Variants in LPIN2 observed in about 807,000 individuals in gnomAD.
LPIN2 encodes phosphatidate phosphatase LPIN2.
LPIN2 carries 55 observed loss-of-function variants against 111.4 expected under a neutral mutation model. The ratio of observed to expected loss-of-function variants is 0.49; its 90% confidence interval spans 0.40 to 0.62. LPIN2 has a LOEUF of 0.62. Among genes scored for constraint, LPIN2 ranks in the 20% least tolerant of loss-of-function variants. The pLI, the probability that LPIN2 is intolerant of heterozygous loss-of-function variation, is 0.00. For missense variants in LPIN2, 992 were observed against 1,112.1 expected (o/e 0.89, Z 1.54); for synonymous variants, 425 against 414.0 (o/e 1.03, Z -0.32).
rs370548322 is a variant in LPIN2 at position 2,940,732 on chromosome 18, G to C, written c.591-20C>G. On this transcript the variant is annotated intron_variant, in intron 4 of 19. Transcript: ENST00000677752. ...GATCCTCTGTGAAGGAGAAACCAAA[G>C]AAAGGCAGGAACGATGACATTCTTG... The C allele has an allele frequency of 6.9e-5, 97 of 1,408,144 alleles. No individual in the cohort carries two copies. The highest frequency in any genetic ancestry group is 9.5e-5 in the Non-Finnish European group (94 of 993,898). The allele number at this position is 1,408,144 out of a possible 1,614,324, so 87.2% of individuals were successfully genotyped here. A position where few individuals can be genotyped will look rare whatever the true frequency, so the allele number is the denominator to read the frequency against.
chr18:2,922,507 C>G (rs1303506609), intron 16 of LPIN2, among the ~76,000 whole-genome samples: 1 of 152,086 alleles, frequency 6.6e-6, no homozygotes, highest in Non-Finnish European at 1.5e-5. Flanking sequence ...AAGCTCCTAA[C>G]CTCAGGCAAC....
intron 1 of LPIN2, among the ~76,000 whole-genome samples, chr18:2,977,600 C>T (rs1219917436): frequency 6.6e-6 from 1 of 152,010 alleles, no homozygotes; most frequent in Non-Finnish European, 1.5e-5. Flanking sequence ...CTGGGAAATG[C>T]TCAAAATCAA....
chr18:3,009,819 G>A (rs78037916), intron 1 of LPIN2, among the ~76,000 whole-genome samples: 8,130 of 152,226 alleles, frequency 0.053, 696 homozygotes, highest in African/African-American at 0.18. Context: ...AAAGGCTTTA[G>A]CAGAAAAAGA....
Position 2,937,890 on chromosome 18 carries a change from T to C in LPIN2, c.970A>G (p.Ile324Val), listed in dbSNP as rs1476358117. 3 of 1,614,038 alleles carry C rather than the reference T, an allele frequency of 1.9e-6. No homozygotes were observed. The highest frequency in any genetic ancestry group is 1.1e-5 in the South Asian group (1 of 91,082). The change falls in exon 7 of 20, where the codon ATA becomes GTA. Residue 324 changes from isoleucine to valine, a missense_variant. Transcript: ENST00000677752. ...DASMEDTVCT[I>V]VKPKPRALGT... Reference sequence around the variant, plus strand: ...AGGGCTCTGGGTTTGGGCTTCACTATGGTACAGACAGTGTCTTCCATGGAA... The same window carrying C: ...AGGGCTCTGGGTTTGGGCTTCACTACGGTACAGACAGTGTCTTCCATGGAA...
chr18:2,951,066 G>A lies in LPIN2; in HGVS notation c.579C>T (p.Ala193=). The A allele has an allele frequency of 6.2e-7, 1 of 1,614,038 alleles. No homozygotes were observed. Among genetic ancestry groups the A allele is most frequent in the Non-Finnish European group, 8.5e-7 (1 of 1,180,018 alleles). Residue 193 remains alanine (A), a synonymous_variant, in exon 4 of 20, where the codon GCC becomes GCT. Coordinates refer to ENST00000677752, the MANE Select transcript of LPIN2 (RefSeq NM_001375808.2). ...VGVSSDDDKG[A]QAARGSSNAS... is the part of the protein sequence containing the mutation. The stretch of plus-strand genomic sequence containing the variant: ...GCTGAGAGTCCTACCGTGCTGCCTG[G>A]GCCCCCTTGTCATCATCGGAGCTCA...
At chr18:2,967,900 TAGC>T (rs764183115) in intron 1 of LPIN2, among the ~76,000 whole-genome samples, 53 of 152,264 alleles carry the variant, frequency 3.5e-4, no homozygotes, top group Non-Finnish European at 6.8e-4. Context: ...AAATAGAAAA[TAGC>T]AGCCGCACAA....
chr18:2,990,605 G>A (rs898049240), intron 1 of LPIN2: 2 of 173,268 alleles, frequency 1.2e-5, no homozygotes, highest in African/African-American at 2.4e-5. Flanking sequence ...TACCCACTAC[G>A]ATGGCTATAG....
intron 1 of LPIN2, among the ~76,000 whole-genome samples, chr18:2,978,829 G>A (rs760123857): frequency 3.9e-5 from 6 of 152,150 alleles, no homozygotes; most frequent in Non-Finnish European, 5.9e-5. Flanking sequence ...TCTCACCCCC[G>A]GTGCACGTTG....
rs1309391671 is a variant in LPIN2 at position 2,918,767 on chromosome 18, A to G, written c.*1526T>C. On this transcript the variant is annotated 3_prime_UTR_variant, in exon 20 of 20. Transcript: ENST00000677752. ...GGACTTTCAACTCTCCAATCTGGAAAAATAACCACCCCTATTTCTCTATCT... is the reference window on the plus strand; with the variant it reads ...GGACTTTCAACTCTCCAATCTGGAAGAATAACCACCCCTATTTCTCTATCT... 6.6e-6 allele frequency: 1 copy of G among 152,188 alleles called. No homozygotes were observed. The highest frequency in any genetic ancestry group is 1.9e-4 in the East Asian group (1 of 5,206). The allele number at this position is 152,188 out of a possible 1,614,324, so 9.4% of individuals were successfully genotyped here. A position where few individuals can be genotyped will look rare whatever the true frequency, so the allele number is the denominator to read the frequency against.
chr18:3,007,539 G>A (rs56164561), intron 1 of LPIN2, among the ~76,000 whole-genome samples: 2,586 of 152,282 alleles, frequency 0.017, 78 homozygotes, highest in African/African-American at 0.058. Context: ...GTGGACAGAC[G>A]TCTCTCAGTG....
intron 9 of LPIN2, among the ~76,000 whole-genome samples, chr18:2,930,094 C>A (rs112801001): frequency 6.6e-6 from 1 of 152,170 alleles, no homozygotes; most frequent in Non-Finnish European, 1.5e-5. Context: ...CTGTATTCTC[C>A]TAGATCTAGG....
At chr18:3,009,856 A>G (rs771821011) in intron 1 of LPIN2, among the ~76,000 whole-genome samples, 1 of 152,268 alleles carries the variant, frequency 6.6e-6, no homozygotes, top group Non-Finnish European at 1.5e-5. Context: ...GAATCAAATT[A>G]GTAAAAATGT....
At chr18:2,971,606 T>C (rs2077913093) in intron 1 of LPIN2, among the ~76,000 whole-genome samples, 1 of 152,002 alleles carries the variant, frequency 6.6e-6, no homozygotes, top group South Asian at 2.1e-4. Flanking sequence ...AATGGACCAA[T>C]GAATAAATGA....
intron 3 of LPIN2, among the ~76,000 whole-genome samples, chr18:2,951,992 A>G (rs2077544818): frequency 2.0e-5 from 3 of 152,236 alleles, no homozygotes; most frequent in Non-Finnish European, 1.5e-5. Flanking sequence ...AGAAGAAAAT[A>G]AGGCCCAATA....
intron 1 of LPIN2, among the ~76,000 whole-genome samples, chr18:2,991,692 C>G (rs2078267723): frequency 6.6e-6 from 1 of 151,812 alleles, no homozygotes; most frequent in Non-Finnish European, 1.5e-5. Context: ...AACCTGAGCA[C>G]CAGAATGAGG....
chr18:2,931,007 A>G (rs1274920521), intron 9 of LPIN2, among the ~76,000 whole-genome samples: 2 of 152,182 alleles, frequency 1.3e-5, no homozygotes, highest in African/African-American at 2.4e-5. Context: ...GGGCGGCCTG[A>G]TAACTCCCAA....
In LPIN2 at chr18:2,931,285, C is replaced by T. The variant is rs1414181848; in HGVS notation, c.1427G>A (p.Gly476Asp). The T allele has an allele frequency of 2.5e-6, 4 of 1,614,110 alleles. No homozygotes were observed. The highest frequency in any genetic ancestry group is 1.1e-5 in the South Asian group (1 of 91,074). Reference protein sequence around the residue: ...LPDVTLSLCGGLSENGEISKE... With the variant: ...LPDVTLSLCGDLSENGEISKE... ...TGAAATTTCTCCATTTTCACTGAGG[C>T]CCCCGCAAAGGGAGAGGGTAACGTC... The change falls in exon 9 of 20, where the codon GGC (glycine) becomes GAC (aspartate). Residue 476 changes from glycine (G) to aspartate (D), a missense_variant. Physicochemically the swap from Gly to Asp is moderately conservative, Grantham distance 94. Around this residue, in one of 4 missense-constraint regions of LPIN2, gnomAD observed 709 missense variants for 753.2 expected, o/e 0.94. Coordinates refer to ENST00000677752, the MANE Select transcript of LPIN2 (RefSeq NM_001375808.2).
At chr18:2,933,767 G>C (rs926009381) in intron 8 of LPIN2, among the ~76,000 whole-genome samples, 1 of 152,122 alleles carries the variant, frequency 6.6e-6, no homozygotes, top group Non-Finnish European at 1.5e-5. Flanking sequence ...AACTTGGGAA[G>C]GCAGTCCAAG....
intron 4 of LPIN2, among the ~76,000 whole-genome samples, chr18:2,949,995 G>A (rs1215340989): frequency 1.3e-5 from 2 of 151,974 alleles, no homozygotes; most frequent in African/African-American, 2.4e-5. Context: ...TAGCTACTTG[G>A]GAGGCTGAGG....
Sources: gnomAD v4.1 joint callset for allele counts (sites outside exome capture counted in the v4.1 genomes callset) on GRCh38, gnomAD v4.1.1 for gene constraint, gnomAD v4.1.1 regional missense constraint, MANE v1.5 for transcripts, NCBI Gene and HGNC (gene_info 2026-07-23, HGNC 2026-07-21) for gene names.